HSPH1: variants seen among roughly 807,000 people sequenced by gnomAD.
HSPH1 encodes heat shock protein family H (Hsp110) member 1, also known as heat shock protein 105 kDa.
A neutral mutation model predicts 100.0 loss-of-function variants in HSPH1; 40 were observed. The observed-to-expected ratio is 0.40, with a 90% confidence interval of 0.31 to 0.52. The LOEUF (loss-of-function observed/expected upper bound fraction) is 0.52, where lower values mean the gene tolerates loss of function less well. Among genes scored for constraint, HSPH1 ranks in the 20% least tolerant of loss-of-function variants. HSPH1 has a pLI of 0.54. For missense variants in HSPH1, 876 were observed against 1,015.1 expected (o/e 0.86, Z 1.86); for synonymous variants, 403 against 344.0 (o/e 1.17, Z -1.90).
intron 4 of HSPH1, chr13:31,154,044 G>A (rs1352113174): frequency 6.4e-6 from 1 of 155,054 alleles, no homozygotes; most frequent in Non-Finnish European, 1.4e-5. Flanking sequence ...CAAAGACCAT[G>A]CTGTATTTAA....
intron 2 of HSPH1, among the ~76,000 whole-genome samples, chr13:31,156,472 G>A (rs59085657): frequency 6.6e-6 from 1 of 151,948 alleles, no homozygotes; most frequent in African/African-American, 2.4e-5. Context: ...GCTGAGGCAG[G>A]AGAATCGCTG....
At chr13:31,153,567 G>C (rs1956564170) in intron 4 of HSPH1, among the ~76,000 whole-genome samples, 1 of 152,158 alleles carries the variant, frequency 6.6e-6, no homozygotes, top group African/African-American at 2.4e-5. Context: ...AGCTATTCTA[G>C]TTGTAATTCT....
At position 31,145,607 on chromosome 13, in the gene HSPH1, T is replaced by C. The variant is rs777944977; in HGVS notation, c.1540A>G (p.Met514Val). 1.2e-5 allele frequency: 20 copies of C among 1,613,520 alleles called. No homozygotes were observed. The highest frequency in any genetic ancestry group is 2.7e-5 in the African/African-American group (2 of 74,886). ...EENEMSSEADMECLNQRPPEN... is the reference protein window; with the variant it reads ...EENEMSSEADVECLNQRPPEN... The stretch of plus-strand genomic sequence containing the variant: ...GGTGGTCTCTGATTCAGACACTCCA[T>C]GTCAGCTTCAGAAGACATTTCATTC... The change falls in exon 11 of 18, where the codon ATG becomes GTG. Residue 514 changes from methionine (M) to valine (V), a missense_variant. Met to Val is a conservative substitution (Grantham distance 21). Coordinates refer to ENST00000320027, the MANE Select transcript of HSPH1 (RefSeq NM_006644.4).
rs76521825 is a variant in HSPH1, at chr13:31,161,002, G to A, written c.107+474C>T. ...ATTCACAATGCGGAAGAAAAAGGCC[G>A]GCAGCCCCGCTCCGCGGTGCGCAAA... On this transcript the variant is annotated intron_variant, in intron 1 of 17. Coordinates refer to ENST00000320027, the MANE Select transcript of HSPH1 (RefSeq NM_006644.4). 3.5e-3 allele frequency among the ~76,000 whole-genome samples: 527 copies of A among 152,348 alleles called. 7 individuals carry two copies. Among genetic ancestry groups the A allele is most frequent in the African/African-American group, 0.012 (519 of 41,580 alleles).
intron 13 of HSPH1, 33 bp from the exon 14 acceptor site, chr13:31,140,342 T>C (rs1956044893): frequency 5.6e-6 from 9 of 1,594,470 alleles, no homozygotes; most frequent in East Asian, 2.2e-5. Flanking sequence ...AATTCCAGTC[T>C]TCTAGTTAAC....
intron 8 of HSPH1, among the ~76,000 whole-genome samples, chr13:31,149,571 A>ATT (rs1482106915): frequency 2.6e-5 from 4 of 152,278 alleles, no homozygotes; most frequent in Admixed American, 1.3e-4. Flanking sequence ...ATTTGTTAAT[A>ATT]TTTCTAACAC....
At position 31,138,532 on chromosome 13, in the gene HSPH1, T is replaced by C. The variant is rs1251888341; in HGVS notation, c.2245A>G (p.Lys749Glu). Residue 749 changes from lysine to glutamate, a missense_variant, in exon 17 of 18, where the codon AAA becomes GAA. Lys to Glu is a moderately conservative substitution (Grantham distance 56). Coordinates refer to ENST00000320027, the MANE Select transcript of HSPH1 (RefSeq NM_006644.4). ...TCATTAACAGACTTCTCCACTTTTTTCATTTCAGACTCATCAATATGGTTG... is the reference window on the plus strand; with the variant it reads ...TCATTAACAGACTTCTCCACTTTTTCCATTTCAGACTCATCAATATGGTTG... ...KYNHIDESEM[K>E]KVEKSVNEVM... The C allele has an allele frequency of 6.2e-7, 1 of 1,613,074 alleles. No individual in the cohort carries two copies. Among genetic ancestry groups the C allele is most frequent in the Admixed American group, 1.7e-5 (1 of 59,904 alleles).
intron 16 of HSPH1, 50 bp downstream of exon 16, chr13:31,138,731 T>A (rs1955975448): frequency 6.4e-6 from 10 of 1,571,926 alleles, no homozygotes; most frequent in Admixed American, 2.0e-5. Flanking sequence ...AGTGTTAGCT[T>A]ATTAAAATCT....
At chr13:31,148,160 C>G in intron 9 of HSPH1, 68 bp from the exon 10 acceptor site, 2 of 1,450,092 alleles carry the variant, frequency 1.4e-6, no homozygotes, top group Middle Eastern at 3.5e-4. Flanking sequence ...GCTACACAAA[C>G]AGAAAAGAGG....
chr13:31,136,833 G>T lies in HSPH1; in HGVS notation c.*485C>A. On this transcript the variant is annotated 3_prime_UTR_variant, in exon 18 of 18. Coordinates refer to ENST00000320027, the MANE Select transcript of HSPH1 (RefSeq NM_006644.4). ...TACTCATTGAATTTTTAATATCAAA[G>T]CAAAAAGTCATTTTCTCTTGGACAG... is the stretch of plus-strand genomic sequence containing the variant. 1 of 188,318 alleles carries T rather than the reference G, an allele frequency of 5.3e-6. No homozygotes were observed. The allele number at this position is 188,318 out of a possible 1,614,324, so 11.7% of individuals were successfully genotyped here. A position where few individuals can be genotyped will look rare whatever the true frequency, so the allele number is the denominator to read the frequency against.
Position 31,148,095 on chromosome 13 carries a change from A to G in HSPH1, c.1245-3T>C. ...TTCGACTAAAGACTTCATGAACACT[A>G]GAGAGAAAAGAAAAAGGCATTCAGC... On this transcript the variant is annotated splice_region_variant and splice_polypyrimidine_tract_variant and intron_variant, in intron 9 of 17. Coordinates refer to ENST00000320027, the MANE Select transcript of HSPH1 (RefSeq NM_006644.4). 1 of 1,603,466 alleles carries G rather than the reference A, an allele frequency of 6.2e-7. No homozygotes were observed. The highest frequency in any genetic ancestry group is 8.5e-7 in the Non-Finnish European group (1 of 1,177,076).
At chr13:31,151,797 A>C in intron 5 of HSPH1, 55 bp from the exon 6 acceptor site, 2 of 1,484,892 alleles carry the variant, frequency 1.3e-6, no homozygotes, top group African/African-American at 1.4e-5. Context: ...TAGGAATCTC[A>C]CTGTTACATA....
At chr13:31,158,646 T>C (rs1956789598) in intron 2 of HSPH1, among the ~76,000 whole-genome samples, 160 bp downstream of exon 2, 1 of 146,206 alleles carries the variant, frequency 6.8e-6, no homozygotes, top group African/African-American at 2.6e-5. Flanking sequence ...AAGGAAAGAG[T>C]GTCATCATCT....
chr13:31,158,443 G>C (rs140119374), intron 2 of HSPH1, among the ~76,000 whole-genome samples: 1 of 151,514 alleles, frequency 6.6e-6, no homozygotes, highest in African/African-American at 2.4e-5. Flanking sequence ...CACCTACTCA[G>C]GAGGCTGAGG....
At chr13:31,161,993 C>G (rs922854674), upstream of HSPH1, 60 of 1,536,144 alleles carry the variant, frequency 3.9e-5, 1 homozygote, top group Admixed American at 1.2e-3. Flanking sequence ...GGCGCCTCCA[C>G]CGGCCCCTCC....
intron 3 of HSPH1, among the ~76,000 whole-genome samples, 157 bp from the exon 4 acceptor site, chr13:31,154,912 A>G (rs1230763195): frequency 1.3e-5 from 2 of 152,138 alleles, no homozygotes; most frequent in East Asian, 3.8e-4. Context: ...GAAAAAGGGA[A>G]GGGGAAGGAG....
Position 31,148,633 on chromosome 13 carries a change from C to T in HSPH1, c.1138-153G>A, listed in dbSNP as rs545758913. 1.0e-4 allele frequency among the ~76,000 whole-genome samples: 14 copies of T among 140,080 alleles called. No homozygotes were observed. In the South Asian group the frequency reaches 2.1e-3, roughly 21 times the overall value. 91.9% of individuals were successfully genotyped at this position (140,080 alleles called of 152,430 possible). On this transcript the variant is annotated intron_variant, in intron 8 of 17. Transcript: ENST00000320027. ...TTGTTTCCAGTATATTTCATCTAAACAAAGAATTTATTTTACCATCTAAAT... is the reference window on the plus strand; with the variant it reads ...TTGTTTCCAGTATATTTCATCTAAATAAAGAATTTATTTTACCATCTAAAT...
Position 31,136,754 on chromosome 13 carries a change from A to G in HSPH1, c.*564T>C, listed in dbSNP as rs1186637977. 1.2e-5 allele frequency: 2 copies of G among 171,856 alleles called. No homozygotes were observed. Among genetic ancestry groups the G allele is most frequent in the African/African-American group, 2.4e-5 (1 of 41,560 alleles). 10.6% of individuals were successfully genotyped at this position (171,856 alleles called of 1,614,324 possible). A position where few individuals can be genotyped will look rare whatever the true frequency, so the allele number is the denominator to read the frequency against. ...ACAATATACTGTATAGTGAGAGAGAAAGTTTAAAGTTTTTGTTCTGCATGC... is the reference window on the plus strand; with the variant it reads ...ACAATATACTGTATAGTGAGAGAGAGAGTTTAAAGTTTTTGTTCTGCATGC... On this transcript the variant is annotated 3_prime_UTR_variant, in exon 18 of 18. Transcript: ENST00000320027.
chr13:31,153,047 G>GT (rs1174740488), intron 4 of HSPH1, 96 bp from the exon 5 acceptor site: 1 of 809,540 alleles, frequency 1.2e-6, no homozygotes, highest in Non-Finnish European at 2.0e-6. Context: ...GTCCAGCTAA[G>GT]TAGGTGCCTC....
Sources: gnomAD v4.1 joint callset for allele counts (sites outside exome capture counted in the v4.1 genomes callset) on GRCh38, gnomAD v4.1.1 for gene constraint, MANE v1.5 for transcripts, NCBI Gene and HGNC (gene_info 2026-07-23, HGNC 2026-07-21) for gene names.